Variants in ITGA1 observed in about 807,000 individuals in gnomAD.
The protein encoded by ITGA1 is integrin alpha-1.
A neutral mutation model predicts 145.9 loss-of-function variants in ITGA1; 85 were observed. The ratio of observed to expected loss-of-function variants is 0.58; its 90% CI spans 0.49 to 0.70. The LOEUF (loss-of-function observed/expected upper bound fraction) is 0.70, where lower values mean the gene tolerates loss of function less well. Ranked by LOEUF, ITGA1 falls within the 30% of genes least tolerant of loss-of-function variation. ITGA1 has a pLI of 0.00. For missense variants in ITGA1, 1,351 were observed against 1,418.7 expected (o/e 0.95, Z 0.77); for synonymous variants, 520 against 495.3 (o/e 1.05, Z -0.66).
At chr5:52,820,780 G>GA (rs1410703872) in intron 1 of ITGA1, among the ~76,000 whole-genome samples, 3 of 152,074 alleles carry the variant, frequency 2.0e-5, no homozygotes, top group African/African-American at 7.2e-5. Flanking sequence ...AGGTAAACAT[G>GA]AATAAGAAAT....
At chr5:52,921,624 C>A (rs1750731346) in intron 17 of ITGA1, among the ~76,000 whole-genome samples, 1 of 152,164 alleles carries the variant, frequency 6.6e-6, no homozygotes, top group Non-Finnish European at 1.5e-5. Context: ...TCATCTCAGT[C>A]TATGTTTGTC....
At chr5:52,878,851 G>A (rs752368718) in intron 6 of ITGA1, among the ~76,000 whole-genome samples, 35 of 151,824 alleles carry the variant, frequency 2.3e-4, no homozygotes, top group African/African-American at 8.0e-4. Flanking sequence ...GATTTAACCC[G>A]AGTTGGAAGT....
intron 22 of ITGA1, 94 bp downstream of exon 22, chr5:52,932,230 C>G (rs1213053535): frequency 1.4e-6 from 1 of 717,342 alleles, no homozygotes; most frequent in Non-Finnish European, 2.4e-6. Context: ...ATCAGCATCA[C>G]CTGGAAACTT....
At position 52,918,886 on chromosome 5, in the gene ITGA1, A is replaced by T; in HGVS notation, c.2143A>T (p.Ile715Phe). 6.3e-7 allele frequency: 1 copy of T among 1,594,006 alleles called. No individual in the cohort carries two copies. Among genetic ancestry groups the T allele is most frequent in the Non-Finnish European group, 8.5e-7 (1 of 1,173,464 alleles). ...DVKLKSKEDT[I>F]YEADLQYRVT... The stretch of plus-strand genomic sequence containing the variant: ...GAAATTAAAGTCTAAAGAAGACACG[A>T]TTTATGAAGCTGGTAAGCAAAATAA... The change falls in exon 16 of 29, where the codon ATT (isoleucine) becomes TTT (phenylalanine). Residue 715 changes from isoleucine to phenylalanine, a missense_variant. Ile to Phe is a conservative substitution (Grantham distance 21). Transcript: ENST00000282588.
At chr5:52,876,788 A>G (rs1156762304) in intron 6 of ITGA1, among the ~76,000 whole-genome samples, 2 of 152,194 alleles carry the variant, frequency 1.3e-5, no homozygotes, top group Non-Finnish European at 2.9e-5. Flanking sequence ...CAAACAGTTG[A>G]GAAGAATGCA....
intron 19 of ITGA1, among the ~76,000 whole-genome samples, chr5:52,926,902 G>A (rs973705069): frequency 6.6e-6 from 1 of 152,128 alleles, no homozygotes; most frequent in Non-Finnish European, 1.5e-5. Flanking sequence ...AAGTAGGTAT[G>A]ACTGTACTGC....
Position 52,849,491 on chromosome 5 carries a change from C to T in ITGA1, c.182+6C>T, listed in dbSNP as rs371540422. On this transcript the variant is annotated splice_donor_region_variant and intron_variant, in intron 2 of 28. Coordinates refer to ENST00000282588, the MANE Select transcript of ITGA1 (RefSeq NM_181501.2). The stretch of plus-strand genomic sequence containing the variant: ...GAAAATGAAGAAGGAAAATGGTAAG[C>T]CAGTGGGTTTTGTTGTTGTTATTTA... 113 of 1,588,922 alleles carry T rather than the reference C, an allele frequency of 7.1e-5. No individual in the cohort carries two copies. Among genetic ancestry groups the T allele is most frequent in the Non-Finnish European group, 9.2e-5 (107 of 1,163,554 alleles).
chr5:52,925,774 C>T (rs959591536), intron 19 of ITGA1, among the ~76,000 whole-genome samples: 1 of 151,940 alleles, frequency 6.6e-6, no homozygotes, highest in Non-Finnish European at 1.5e-5. Context: ...GAAACAGAGT[C>T]AAGGAAAATA....
intron 16 of ITGA1, 108 bp from the exon 17 acceptor site, chr5:52,920,224 G>T: frequency 2.4e-6 from 2 of 817,810 alleles, no homozygotes. Context: ...AATCTTTTTT[G>T]ATTGATTGCC....
chr5:52,865,540 G>T, intron 5 of ITGA1, 150 bp from the exon 6 acceptor site: 1 of 579,162 alleles, frequency 1.7e-6, no homozygotes, highest in Admixed American at 3.9e-5. Context: ...TTACTTTTTC[G>T]AAAACTATTT....
chr5:52,950,675 A>T (rs916188664), intron 28 of ITGA1, among the ~76,000 whole-genome samples: 12 of 152,250 alleles, frequency 7.9e-5, no homozygotes, highest in African/African-American at 2.9e-4. Flanking sequence ...TCTCTTAAAA[A>T]CCCATGTTAA....
chr5:52,947,825 G>T (rs1385826461), intron 28 of ITGA1, among the ~76,000 whole-genome samples: 2 of 151,992 alleles, frequency 1.3e-5, no homozygotes, highest in African/African-American at 4.8e-5. Context: ...TATAGAGAAA[G>T]AAAAAATGAA....
rs761818144 is a variant in ITGA1, at chr5:52,944,909, C to A, written c.3286-34C>A. On this transcript the variant is annotated intron_variant, in intron 26 of 28. Transcript: ENST00000282588. ...GACTAGCTCTCATTTTGATTAGCAT[C>A]ATATATTAAGAACAAATCCTATTTG... is the stretch of plus-strand genomic sequence containing the variant. The A allele has an allele frequency of 2.9e-5, 40 of 1,389,928 alleles. No individual in the cohort carries two copies. The South Asian group carries it at 4.2e-4, about 15-fold the overall frequency. The allele number at this position is 1,389,928 out of a possible 1,614,324, so 86.1% of individuals were successfully genotyped here.
chr5:52,865,391 G>A (rs1749671586), intron 5 of ITGA1, among the ~76,000 whole-genome samples: 1 of 152,058 alleles, frequency 6.6e-6, no homozygotes, highest in Admixed American at 6.5e-5. Flanking sequence ...CTCAAAAACT[G>A]TTTTATAAAA....
At chr5:52,880,962 G>A (rs1369528694) in intron 6 of ITGA1, among the ~76,000 whole-genome samples, 1 of 152,182 alleles carries the variant, frequency 6.6e-6, no homozygotes, top group East Asian at 1.9e-4. Context: ...GGAAGAGGAA[G>A]AATATGGAGC....
chr5:52,929,816 A>C, intron 21 of ITGA1, 115 bp downstream of exon 21: 2 of 547,512 alleles, frequency 3.7e-6, no homozygotes, highest in Non-Finnish European at 6.5e-6. Context: ...GTAGGAGATC[A>C]GTAGAAGTGG....
chr5:52,947,376 C>G lies in ITGA1; in HGVS notation c.3410C>G (p.Pro1137Arg). Residue 1137 changes from proline (P) to arginine (R), a missense_variant, in exon 28 of 29, where the codon CCG becomes CGG. Transcript: ENST00000282588. ...LAIQISKDGLPGRVPLWVILL... is the reference protein window; with the variant it reads ...LAIQISKDGLRGRVPLWVILL... ...ATTCAAATATCCAAAGATGGGCTAC[C>G]GGGCAGAGTGCCATTATGGGTCATC... The G allele has an allele frequency of 6.2e-7, 1 of 1,612,738 alleles. No homozygotes were observed. The highest frequency in any genetic ancestry group is 8.5e-7 in the Non-Finnish European group (1 of 1,178,972).
intron 14 of ITGA1, among the ~76,000 whole-genome samples, chr5:52,910,971 T>C (rs1750504765): frequency 7.6e-6 from 1 of 130,788 alleles, no homozygotes; most frequent in Non-Finnish European, 1.5e-5. Flanking sequence ...CTATATATAC[T>C]ATATATAGTA....
At chr5:52,817,584 A>G (rs559442714) in intron 1 of ITGA1, among the ~76,000 whole-genome samples, 5 of 152,334 alleles carry the variant, frequency 3.3e-5, no homozygotes, top group Admixed American at 1.3e-4. Context: ...GAAGACAAAT[A>G]TCATTCCAAG....
Sources: allele counts gnomAD v4.1 joint callset (sites outside exome capture counted in the v4.1 genomes callset), GRCh38; gene constraint gnomAD v4.1.1; transcripts MANE v1.5; gene names NCBI Gene and HGNC (gene_info 2026-07-23, HGNC 2026-07-21).